Variants in SEMA5A observed in about 807,000 individuals in gnomAD.
The protein encoded by SEMA5A is semaphorin 5A, also known as semaphorin-5A.
SEMA5A carries 55 observed loss-of-function variants against 135.5 expected under a neutral mutation model. The observed-to-expected ratio is 0.41, with a 90% confidence interval of 0.33 to 0.51. SEMA5A has a LOEUF of 0.51. Among genes scored for constraint, SEMA5A ranks in the 20% least tolerant of loss-of-function variants. The pLI is 0.37. For missense variants in SEMA5A, 1,290 were observed against 1,419.9 expected (o/e 0.91, Z 1.47); for synonymous variants, 580 against 546.5 (o/e 1.06, Z -0.85).
At chr5:9,057,129 G>T (rs1046249029) in intron 18 of SEMA5A, among the ~76,000 whole-genome samples, 1 of 152,114 alleles carries the variant, frequency 6.6e-6, no homozygotes, top group Non-Finnish European at 1.5e-5. Context: ...TGGGGGAGAG[G>T]GAAGTGGGGA....
At chr5:9,354,681 G>A (rs148333738) in intron 3 of SEMA5A, among the ~76,000 whole-genome samples, 1 of 152,172 alleles carries the variant, frequency 6.6e-6, no homozygotes, top group Non-Finnish European at 1.5e-5. Context: ...ATGCTTATCC[G>A]AATGAGGGAG....
chr5:9,197,478 G>T lies in SEMA5A; in HGVS notation c.933-175C>A, dbSNP rs115101947. 3.3e-3 allele frequency among the ~76,000 whole-genome samples: 495 copies of T among 152,294 alleles called. 3 individuals carry two copies. Among genetic ancestry groups the T allele is most frequent in the African/African-American group, 0.012 (481 of 41,554 alleles). On this transcript the variant is annotated intron_variant, in intron 9 of 22. Coordinates refer to ENST00000382496, the MANE Select transcript of SEMA5A (RefSeq NM_003966.3). ...GCGTGAATGGGGCTCCCCTGTGGAG[G>T]AACAAACATCTTGGTACAGAAACCA...
At chr5:9,467,635 T>A (rs1759311272) in intron 1 of SEMA5A, among the ~76,000 whole-genome samples, 1 of 152,148 alleles carries the variant, frequency 6.6e-6, no homozygotes, top group African/African-American at 2.4e-5. Flanking sequence ...CATGGGTGGC[T>A]TTCCAACTGG....
At chr5:9,505,294 T>G (rs1395498498) in intron 1 of SEMA5A, among the ~76,000 whole-genome samples, 6 of 152,158 alleles carry the variant, frequency 3.9e-5, no homozygotes, top group Non-Finnish European at 7.4e-5. Context: ...TCGCTTTCAG[T>G]AGAGAGCTCA....
chr5:9,365,577 T>A (rs1039728462), intron 3 of SEMA5A, among the ~76,000 whole-genome samples: 16 of 152,202 alleles, frequency 1.1e-4, no homozygotes, highest in African/African-American at 3.4e-4. Flanking sequence ...GTACCCAAGA[T>A]GAGTTCCTCA....
At chr5:9,435,120 CT>C (rs1344784663) in intron 2 of SEMA5A, among the ~76,000 whole-genome samples, 16 of 152,078 alleles carry the variant, frequency 1.1e-4, no homozygotes, top group Admixed American at 9.8e-4. Flanking sequence ...TATGTCAATC[CT>C]GTTCAAACTC....
chr5:9,141,281 T>C (rs1365140061), intron 12 of SEMA5A, among the ~76,000 whole-genome samples: 2 of 152,248 alleles, frequency 1.3e-5, no homozygotes, highest in South Asian at 4.1e-4. Flanking sequence ...ATTGTGAAAG[T>C]GGCTTTTCTG....
At chr5:9,072,250 G>A (rs1327610375) in intron 16 of SEMA5A, among the ~76,000 whole-genome samples, 1 of 152,186 alleles carries the variant, frequency 6.6e-6, no homozygotes, top group Non-Finnish European at 1.5e-5. Context: ...ACAACCTACA[G>A]CCTTGAGAAG....
intron 5 of SEMA5A, among the ~76,000 whole-genome samples, chr5:9,291,073 A>AGAATT (rs1216257364): frequency 1.3e-5 from 2 of 152,192 alleles, no homozygotes; most frequent in Admixed American, 1.3e-4. Flanking sequence ...TTCTAGAAAC[A>AGAATT]GAATTTCCCA....
intron 1 of SEMA5A, among the ~76,000 whole-genome samples, chr5:9,446,444 T>C (rs1579554590): frequency 6.6e-6 from 1 of 152,174 alleles, no homozygotes; most frequent in African/African-American, 2.4e-5. Context: ...CTCAGAATAG[T>C]GAATACTTTC....
intron 5 of SEMA5A, among the ~76,000 whole-genome samples, chr5:9,314,174 C>A (rs767971239): frequency 6.6e-6 from 1 of 151,994 alleles, no homozygotes; most frequent in Non-Finnish European, 1.5e-5. Flanking sequence ...ACAAATCAAC[C>A]CCCATGATTT....
At chr5:9,354,577 G>A (rs1408239597) in intron 3 of SEMA5A, among the ~76,000 whole-genome samples, 1 of 152,074 alleles carries the variant, frequency 6.6e-6, no homozygotes, top group Non-Finnish European at 1.5e-5. Context: ...CAAGCCTTCG[G>A]GCAGCAAACG....
chr5:9,079,472 A>G (rs2150099340), intron 16 of SEMA5A, among the ~76,000 whole-genome samples: 1 of 152,232 alleles, frequency 6.6e-6, no homozygotes, highest in East Asian at 1.9e-4. Flanking sequence ...AGGATCTAAA[A>G]TTGACATTCT....
chr5:9,401,071 T>C (rs2126566885), intron 2 of SEMA5A, among the ~76,000 whole-genome samples: 1 of 152,238 alleles, frequency 6.6e-6, no homozygotes, highest in South Asian at 2.1e-4. Flanking sequence ...ATTTCTTCAC[T>C]CCAACTTGTT....
At chr5:9,197,348 G>A (rs988874462) in intron 9 of SEMA5A, 45 bp from the exon 10 acceptor site, 2 of 1,597,342 alleles carry the variant, frequency 1.3e-6, no homozygotes, top group Non-Finnish European at 1.7e-6. Flanking sequence ...GAGCTCGGCA[G>A]CACCTGCTGA....
chr5:9,466,201 G>A (rs1759253012), intron 1 of SEMA5A, among the ~76,000 whole-genome samples: 1 of 151,828 alleles, frequency 6.6e-6, no homozygotes, highest in Non-Finnish European at 1.5e-5. Context: ...AAGTCCCCAG[G>A]CACACCGGGG....
At chr5:9,274,389 T>A (rs558425963) in intron 5 of SEMA5A, among the ~76,000 whole-genome samples, 29 of 152,138 alleles carry the variant, frequency 1.9e-4, no homozygotes, top group Admixed American at 6.5e-4. Flanking sequence ...GATAGTGGGA[T>A]ATTTTAACAC....
At chr5:9,441,167 A>C (rs1167159846) in intron 1 of SEMA5A, among the ~76,000 whole-genome samples, 1 of 151,982 alleles carries the variant, frequency 6.6e-6, no homozygotes, top group Non-Finnish European at 1.5e-5. Flanking sequence ...AACCTATTAC[A>C]CTCTCAGGAG....
At position 9,154,562 on chromosome 5, in the gene SEMA5A, A is replaced by C; in HGVS notation, c.1407T>G (p.Ser469Arg). 6.2e-7 allele frequency: 1 copy of C among 1,613,206 alleles called. No individual in the cohort carries two copies. Among genetic ancestry groups the C allele is most frequent in the Non-Finnish European group, 8.5e-7 (1 of 1,179,912 alleles). The change falls in exon 12 of 23, where the codon AGT becomes AGG. Residue 469 changes from serine to arginine, a missense_variant. Physicochemically the swap from Ser to Arg is moderately radical, Grantham distance 110. This residue lies in a region of SEMA5A where 1,029 missense variants were observed against 1,086.6 expected (regional missense o/e 0.95). Transcript: ENST00000382496. ...IRSLQILHSQSVLFVGLREHV... is the reference protein window; with the variant it reads ...IRSLQILHSQRVLFVGLREHV... ...GCTCCCGCAGGCCCACGAACAGGAC[A>C]CTCTGGCTGTGCAGGATCTGCAGGC...
Sources: gnomAD v4.1 joint callset for allele counts (sites outside exome capture counted in the v4.1 genomes callset) on GRCh38, gnomAD v4.1.1 for gene constraint, gnomAD v4.1.1 regional missense constraint, MANE v1.5 for transcripts, NCBI Gene and HGNC (gene_info 2026-07-23, HGNC 2026-07-21) for gene names.